Variants in DNAH8 observed in about 807,000 individuals in gnomAD.
DNAH8 encodes the protein dynein axonemal heavy chain 8.
DNAH8 carries 382 observed loss-of-function variants against 562.1 expected under a neutral mutation model. The ratio of observed to expected loss-of-function variants is 0.68; its 90% CI spans 0.63 to 0.74. DNAH8 has a LOEUF of 0.74. Among genes scored for constraint, DNAH8 ranks in the 30% least tolerant of loss-of-function variants. The pLI is 0.00. For synonymous variants in DNAH8, 1,881 were observed against 1,919.4 expected (o/e 0.98, Z 0.52); for missense variants, 5,203 against 5,620.4 (o/e 0.93, Z 2.37).
intron 76 of DNAH8, among the ~76,000 whole-genome samples, chr6:38,934,749 A>G (rs1346771725): frequency 3.3e-5 from 5 of 152,204 alleles, no homozygotes; most frequent in Non-Finnish European, 1.5e-5. Flanking sequence ...ATGTAAAAGA[A>G]TGACCTGGTT....
At chr6:38,967,444 A>G (rs973167964) in intron 82 of DNAH8, among the ~76,000 whole-genome samples, 2 of 152,208 alleles carry the variant, frequency 1.3e-5, no homozygotes, top group Non-Finnish European at 2.9e-5. Flanking sequence ...ATTGTAGGAT[A>G]CAAGATCAAT....
At chr6:38,842,580 C>T in intron 34 of DNAH8, 75 bp downstream of exon 34, 3 of 1,577,232 alleles carry the variant, frequency 1.9e-6, no homozygotes, top group Non-Finnish European at 2.6e-6. Context: ...TAATTTATTC[C>T]CTAATATAAT....
intron 60 of DNAH8, 77 bp from the exon 61 acceptor site, chr6:38,898,181 G>A: frequency 7.8e-7 from 1 of 1,279,310 alleles, no homozygotes; most frequent in Non-Finnish European, 1.1e-6. Flanking sequence ...AATTACTTTT[G>A]AGTGTCTTTA....
intron 72 of DNAH8, 121 bp from the exon 73 acceptor site, chr6:38,923,870 C>G: frequency 8.8e-7 from 1 of 1,136,370 alleles, no homozygotes; most frequent in Non-Finnish European, 1.3e-6. Flanking sequence ...TGCCTGGCTA[C>G]CAAGCATTAA....
At chr6:38,863,821 A>G (rs564377168) in intron 44 of DNAH8, 52 bp from the exon 45 acceptor site, 53 of 1,423,772 alleles carry the variant, frequency 3.7e-5, no homozygotes, top group African/African-American at 2.5e-4. Flanking sequence ...ATTGTTATCA[A>G]GAAGGTATAT....
intron 88 of DNAH8, among the ~76,000 whole-genome samples, chr6:38,994,556 T>C (rs1254067882): frequency 1.3e-5 from 2 of 152,002 alleles, no homozygotes; most frequent in Non-Finnish European, 2.9e-5. Context: ...AGTTCTTTTA[T>C]CCATTAGGAA....
At chr6:38,840,026 G>T (rs1774646055) in intron 33 of DNAH8, among the ~76,000 whole-genome samples, 2 of 152,174 alleles carry the variant, frequency 1.3e-5, no homozygotes, top group African/African-American at 4.8e-5. Flanking sequence ...CTTTTATTCT[G>T]TAATATCCTA....
At chr6:38,950,992 G>A (rs1310905272) in intron 81 of DNAH8, among the ~76,000 whole-genome samples, 1 of 152,086 alleles carries the variant, frequency 6.6e-6, no homozygotes, top group African/African-American at 2.4e-5. Context: ...GGCATCTTTG[G>A]CATATTGGTT....
chr6:38,745,992 A>G (rs1322545805), intron 8 of DNAH8, among the ~76,000 whole-genome samples: 1 of 152,212 alleles, frequency 6.6e-6, no homozygotes, highest in Admixed American at 6.5e-5. Flanking sequence ...CTGTACACGT[A>G]TCGTATTTTG....
chr6:38,994,354 G>A (rs933620277), intron 88 of DNAH8, among the ~76,000 whole-genome samples: 11 of 152,096 alleles, frequency 7.2e-5, no homozygotes, highest in Non-Finnish European at 1.3e-4. Context: ...CCATTGATCA[G>A]GTAGAAGTGT....
intron 58 of DNAH8, among the ~76,000 whole-genome samples, chr6:38,893,158 C>T (rs2150491521): frequency 6.6e-6 from 1 of 152,350 alleles, no homozygotes; most frequent in South Asian, 2.1e-4. Flanking sequence ...CAAGGAGGTG[C>T]TCAGTCATTG....
At chr6:38,852,614 AC>A in intron 39 of DNAH8, 79 bp from the exon 40 acceptor site, 1 of 980,564 alleles carries the variant, frequency 1.0e-6, no homozygotes, top group Non-Finnish European at 1.5e-6. Context: ...TTAAAAAGAT[AC>A]AAAATATTAA....
At chr6:38,901,634 TTTG>T (rs1259767445) in intron 62 of DNAH8, among the ~76,000 whole-genome samples, 1 of 152,288 alleles carries the variant, frequency 6.6e-6, no homozygotes, top group East Asian at 1.9e-4. Flanking sequence ...GATCTCTAAC[TTTG>T]TTGTTCTTCA....
chr6:39,019,356 G>A (rs956389018), intron 91 of DNAH8, among the ~76,000 whole-genome samples: 4 of 152,178 alleles, frequency 2.6e-5, no homozygotes, highest in African/African-American at 9.7e-5. Flanking sequence ...CCCATTTGAT[G>A]CTTTCTACTC....
At chr6:38,849,325 G>A (rs1209852723) in intron 37 of DNAH8, among the ~76,000 whole-genome samples, 2 of 152,070 alleles carry the variant, frequency 1.3e-5, no homozygotes, top group African/African-American at 4.8e-5. Context: ...TTATTACTAA[G>A]TCTACTACTA....
At chr6:38,987,658 C>A (rs377442085) in intron 87 of DNAH8, among the ~76,000 whole-genome samples, 1 of 152,204 alleles carries the variant, frequency 6.6e-6, no homozygotes, top group Non-Finnish European at 1.5e-5. Flanking sequence ...TTCCCTCCCC[C>A]TCTCTCAGGA....
At chr6:38,968,036 C>T (rs913292483) in intron 82 of DNAH8, among the ~76,000 whole-genome samples, 2 of 152,060 alleles carry the variant, frequency 1.3e-5, no homozygotes, top group Non-Finnish European at 2.9e-5. Flanking sequence ...TAAGACCATG[C>T]AATGTTGGAA....
At chr6:38,901,776 A>G (rs1780099000) in intron 62 of DNAH8, among the ~76,000 whole-genome samples, 1 of 152,260 alleles carries the variant, frequency 6.6e-6, no homozygotes, top group South Asian at 2.1e-4. Context: ...AATACAATTT[A>G]TAGAAGTATT....
In DNAH8 at chr6:38,932,183, A is replaced by AACACACACACACACACAC. The variant is rs70981599; in HGVS notation, c.11457+207_11457+224dup. 7.5e-3 allele frequency among the ~76,000 whole-genome samples: 1,047 copies of AACACACACACACACACAC among 139,826 alleles called. 16 individuals are homozygous for AACACACACACACACACAC. The highest frequency in any genetic ancestry group is 0.014 in the East Asian group (69 of 4,772). The allele number at this position is 139,826 out of a possible 152,430, so 91.7% of individuals were successfully genotyped here. ...TAACTCATCTTCTCATCCAGCCTGA[A>AACACACACACACACACAC]ACACACACACACACACACACACACA... On this transcript the variant is annotated intron_variant, in intron 76 of 92. Transcript: ENST00000327475.
Sources: allele counts gnomAD v4.1 joint callset (sites outside exome capture counted in the v4.1 genomes callset), GRCh38; gene constraint gnomAD v4.1.1; transcripts MANE v1.5; gene names NCBI Gene and HGNC (gene_info 2026-07-23, HGNC 2026-07-21).